The following ADAM12 variants were observed in gnomAD, a reference collection of about 807,000 sequenced individuals.
The protein encoded by ADAM12 is ADAM metallopeptidase domain 12.
Under a neutral mutation model 106.4 loss-of-function variants are expected in ADAM12, and 70 were observed. That is an observed-to-expected ratio of 0.66 (90% CI 0.54 to 0.80). ADAM12 has a LOEUF of 0.80. ADAM12 is among the 30% of genes least tolerant of loss of function. The pLI, the probability that ADAM12 is intolerant of heterozygous loss-of-function variation, is 0.00. For missense variants in ADAM12, 1,010 were observed against 1,171.9 expected (o/e 0.86, Z 2.02); for synonymous variants, 420 against 433.5 (o/e 0.97, Z 0.39).
At chr10:126,291,055 A>G (rs1271628589) in intron 2 of ADAM12, among the ~76,000 whole-genome samples, 1 of 152,232 alleles carries the variant, frequency 6.6e-6, no homozygotes, top group African/African-American at 2.4e-5. Context: ...AGACACAGCC[A>G]GTGGTAGAAT....
intron 3 of ADAM12, among the ~76,000 whole-genome samples, chr10:126,234,298 G>A (rs1000503480): frequency 1.3e-5 from 2 of 152,070 alleles, no homozygotes; most frequent in Non-Finnish European, 2.9e-5. Flanking sequence ...AATAAGAAAA[G>A]CAATAATAGT....
intron 3 of ADAM12, among the ~76,000 whole-genome samples, chr10:126,235,067 G>A (rs1188954949): frequency 6.6e-6 from 1 of 152,192 alleles, no homozygotes; most frequent in Non-Finnish European, 1.5e-5. Context: ...GCTGGCAGAG[G>A]GGTGGAAAGG....
chr10:126,371,077 T>G (rs1050206951), intron 1 of ADAM12, among the ~76,000 whole-genome samples: 1 of 152,224 alleles, frequency 6.6e-6, no homozygotes, highest in African/African-American at 2.4e-5. Context: ...GTGCATAATC[T>G]CAGCTGCGTC....
At chr10:126,150,263 AG>A (rs770299006) in intron 4 of ADAM12, among the ~76,000 whole-genome samples, 1 of 152,200 alleles carries the variant, frequency 6.6e-6, no homozygotes, top group Non-Finnish European at 1.5e-5. Flanking sequence ...ATGAGATCTT[AG>A]GGAGGTAAAA....
At chr10:126,244,967 C>A (rs1958600541) in intron 3 of ADAM12, among the ~76,000 whole-genome samples, 1 of 152,174 alleles carries the variant, frequency 6.6e-6, no homozygotes, top group African/African-American at 2.4e-5. Flanking sequence ...ATGTCAACAT[C>A]CAGCTATGTT....
chr10:126,216,057 G>T (rs1163949888), intron 3 of ADAM12, among the ~76,000 whole-genome samples: 1 of 152,242 alleles, frequency 6.6e-6, no homozygotes, highest in East Asian at 1.9e-4. Context: ...CCTTTCGAGG[G>T]TTTGCTTTGC....
chr10:126,382,531 C>T (rs1856531965), intron 1 of ADAM12, among the ~76,000 whole-genome samples: 1 of 152,200 alleles, frequency 6.6e-6, no homozygotes, highest in Admixed American at 6.5e-5. Context: ...TGGCAGGAAG[C>T]TGAAGGATTC....
At chr10:126,376,866 A>C (rs1856312369) in intron 1 of ADAM12, among the ~76,000 whole-genome samples, 1 of 152,244 alleles carries the variant, frequency 6.6e-6, no homozygotes. Flanking sequence ...TTGAATACTT[A>C]GCATGGTCTG....
At chr10:126,313,660 T>G (rs1475093232) in intron 2 of ADAM12, among the ~76,000 whole-genome samples, 5 of 152,172 alleles carry the variant, frequency 3.3e-5, no homozygotes, top group Non-Finnish European at 7.3e-5. Flanking sequence ...TCCGTCGATC[T>G]GTCTGTCTGT....
chr10:126,182,716 T>C (rs1957335258), intron 3 of ADAM12, among the ~76,000 whole-genome samples: 1 of 152,168 alleles, frequency 6.6e-6, no homozygotes, highest in Non-Finnish European at 1.5e-5. Context: ...GTGAGGTCAG[T>C]GGAGGTGGGC....
chr10:126,266,667 G>A (rs1294481513), intron 3 of ADAM12, among the ~76,000 whole-genome samples: 1 of 152,180 alleles, frequency 6.6e-6, no homozygotes, highest in Non-Finnish European at 1.5e-5. Context: ...ATTGGCTCAT[G>A]GTTCTGCAAG....
At chr10:126,160,107 A>C (rs1029769914) in intron 3 of ADAM12, among the ~76,000 whole-genome samples, 1 of 152,220 alleles carries the variant, frequency 6.6e-6, no homozygotes, top group Admixed American at 6.5e-5. Context: ...TTCTCAAGAT[A>C]TTTTGAAGAC....
At chr10:126,083,727 G>A (rs1038214511) in intron 11 of ADAM12, among the ~76,000 whole-genome samples, 12 of 152,204 alleles carry the variant, frequency 7.9e-5, no homozygotes, top group South Asian at 2.1e-4. Flanking sequence ...GGAAATAGGC[G>A]CCCCGCCTCA....
chr10:126,194,248 A>G (rs1050065134), intron 3 of ADAM12, among the ~76,000 whole-genome samples: 10 of 148,278 alleles, frequency 6.7e-5, no homozygotes, highest in Admixed American at 5.5e-4. Context: ...CCTTGCCAGC[A>G]GTCACAGACA....
intron 3 of ADAM12, among the ~76,000 whole-genome samples, chr10:126,239,492 G>A (rs1958482191): frequency 6.6e-6 from 1 of 152,162 alleles, no homozygotes; most frequent in Non-Finnish European, 1.5e-5. Context: ...CTAGACCAAT[G>A]TACAGCTCAA....
chr10:126,149,088 C>G (rs1287124951), intron 4 of ADAM12, among the ~76,000 whole-genome samples: 1 of 152,128 alleles, frequency 6.6e-6, no homozygotes, highest in East Asian at 1.9e-4. Context: ...ATGGGGAGGA[C>G]CGGGGGAAGA....
At chr10:126,038,421 C>T in intron 19 of ADAM12, 72 bp from the exon 20 acceptor site, 1 of 1,205,344 alleles carries the variant, frequency 8.3e-7, no homozygotes, top group Non-Finnish European at 1.1e-6. Context: ...TTACACTTTG[C>T]TCATAGTGGC....
intron 11 of ADAM12, among the ~76,000 whole-genome samples, chr10:126,089,836 T>C (rs1226570770): frequency 2.0e-5 from 3 of 152,150 alleles, no homozygotes; most frequent in African/African-American, 7.2e-5. Context: ...CCTGTCTTCC[T>C]TTTGGCCTCC....
chr10:126,181,115 A>C (rs7095796), intron 3 of ADAM12, among the ~76,000 whole-genome samples: 12,218 of 148,392 alleles, frequency 0.082, 994 homozygotes, highest in African/African-American at 0.21. Context: ...TCTGTTGCCC[A>C]GGCTGGAGTG....
Sources: gnomAD v4.1 joint callset for allele counts (sites outside exome capture counted in the v4.1 genomes callset) on GRCh38, gnomAD v4.1.1 for gene constraint, MANE v1.5 for transcripts, NCBI Gene and HGNC (gene_info 2026-07-23, HGNC 2026-07-21) for gene names.